Variants in JPH3 observed in about 807,000 individuals in gnomAD.
The protein encoded by JPH3 is junctophilin-3.
Under a neutral mutation model 59.6 loss-of-function variants are expected in JPH3, and 11 were observed. That is an observed-to-expected ratio of 0.18 (90% confidence interval 0.12 to 0.31). The LOEUF (loss-of-function observed/expected upper bound fraction) is 0.31, where lower values mean the gene tolerates loss of function less well. JPH3 is among the 10% of genes least tolerant of loss of function. JPH3 has a pLI of 1.00. For synonymous variants in JPH3, 673 were observed against 483.6 expected (o/e 1.39, Z -5.14); for missense variants, 1,202 against 1,105.7 (o/e 1.09, Z -1.24).
chr16:87,609,660 C>T (rs2030660423), intron 1 of JPH3, among the ~76,000 whole-genome samples: 1 of 152,200 alleles, frequency 6.6e-6, no homozygotes, highest in Non-Finnish European at 1.5e-5. Flanking sequence ...TGGAGCATAA[C>T]AGGGGTCATA....
chr16:87,665,590 C>G (rs963675263), intron 2 of JPH3, among the ~76,000 whole-genome samples: 4 of 152,226 alleles, frequency 2.6e-5, no homozygotes, highest in African/African-American at 9.6e-5. Context: ...GTGGCGCTCC[C>G]AGCCCCATGC....
intron 2 of JPH3, among the ~76,000 whole-genome samples, chr16:87,652,179 A>G (rs879917273): frequency 6.6e-6 from 1 of 151,958 alleles, no homozygotes; most frequent in Non-Finnish European, 1.5e-5. Flanking sequence ...GTTTCACCGT[A>G]TTAGCTAGGA....
Position 87,602,548 on chromosome 16 carries a change from A to G in JPH3, c.-599A>G, listed in dbSNP as rs1381683679. Among the ~76,000 whole-genome samples, 49 of 131,526 alleles carry G rather than the reference A, an allele frequency of 3.7e-4. No individual in the cohort carries two copies. The East Asian group carries it at 8.5e-3, about 23-fold the overall frequency. 86.3% of individuals were successfully genotyped at this position (131,526 alleles called of 152,430 possible). On this transcript the variant is annotated 5_prime_UTR_variant, in exon 1 of 5. Coordinates refer to ENST00000284262, the MANE Select transcript of JPH3 (RefSeq NM_020655.4). ...GCCCGGAGCGCACGCCGCCGCCGCC[A>G]CCGCCGCCGCCGCCGCCCGAGCCGC...
chr16:87,634,999 GCCTGCATGGAGCCATGGAAATGTTT>G (rs1467221556), intron 1 of JPH3, among the ~76,000 whole-genome samples: 1 of 152,188 alleles, frequency 6.6e-6, no homozygotes, highest in Non-Finnish European at 1.5e-5. Flanking sequence ...GGTGACCTCC[GCCTGCATGGAGCCATGGAAATGTTT>G]CCCCTTTTCC....
chr16:87,623,685 A>C (rs974792066), intron 1 of JPH3, among the ~76,000 whole-genome samples: 2 of 152,168 alleles, frequency 1.3e-5, no homozygotes, highest in African/African-American at 4.8e-5. Context: ...GTGGTGCCTG[A>C]AATCTGAGGC....
Position 87,697,583 on chromosome 16 carries a change from C to T in JPH3, c.*923C>T, listed in dbSNP as rs2033942364. On this transcript the variant is annotated 3_prime_UTR_variant, in exon 5 of 5. Coordinates refer to ENST00000284262, the MANE Select transcript of JPH3 (RefSeq NM_020655.4). Reference sequence around the variant, plus strand: ...GAGGGCCCTAGAGGACGCCTTCTCCCATGGTTACTGATCTCCACGGGTTTT... The same window carrying T: ...GAGGGCCCTAGAGGACGCCTTCTCCTATGGTTACTGATCTCCACGGGTTTT... 6.6e-6 allele frequency: 1 copy of T among 152,362 alleles called. No homozygotes were observed. Among genetic ancestry groups the T allele is most frequent in the Admixed American group, 6.5e-5 (1 of 15,286 alleles). The allele number at this position is 152,362 out of a possible 1,614,324, so 9.4% of individuals were successfully genotyped here.
At chr16:87,633,063 A>C (rs766809862) in intron 1 of JPH3, among the ~76,000 whole-genome samples, 3 of 152,102 alleles carry the variant, frequency 2.0e-5, no homozygotes, top group Non-Finnish European at 4.4e-5. Context: ...TATATAGTTA[A>C]TCACCTCGCT....
intron 2 of JPH3, among the ~76,000 whole-genome samples, chr16:87,665,728 C>T (rs540899849): frequency 6.6e-6 from 1 of 152,352 alleles, no homozygotes; most frequent in East Asian, 1.9e-4. Flanking sequence ...CCCTCTTCCT[C>T]CCGGCTGCCC....
intron 1 of JPH3, among the ~76,000 whole-genome samples, chr16:87,625,871 T>TACCCTCCCCTGATGACCTCCAC (rs1405507304): frequency 8.5e-4 from 130 of 152,122 alleles, no homozygotes; most frequent in Admixed American, 1.5e-3. Flanking sequence ...GTTCACCCCA[T>TACCCTCCCCTGATGACCTCCAC]ACCCTCCCCT....
At chr16:87,654,021 C>A (rs1027522404) in intron 2 of JPH3, 3 of 152,256 alleles carry the variant, frequency 2.0e-5, no homozygotes, top group Non-Finnish European at 2.9e-5. Context: ...GTGAGAGTCT[C>A]CAGGATGAAG....
intron 2 of JPH3, among the ~76,000 whole-genome samples, chr16:87,682,520 C>G (rs1233236231): frequency 1.3e-5 from 2 of 152,138 alleles, no homozygotes; most frequent in Non-Finnish European, 2.9e-5. Flanking sequence ...AGAGCACCCT[C>G]GCTTCTTCTA....
At chr16:87,689,280 C>A (rs1283388925) in intron 3 of JPH3, among the ~76,000 whole-genome samples, 1 of 152,150 alleles carries the variant, frequency 6.6e-6, no homozygotes, top group Non-Finnish European at 1.5e-5. Flanking sequence ...GGGTGAGGGG[C>A]TTCCTCTTAC....
chr16:87,685,870 C>T (rs769275546), intron 3 of JPH3, among the ~76,000 whole-genome samples: 57 of 152,292 alleles, frequency 3.7e-4, no homozygotes, highest in African/African-American at 1.1e-3. Flanking sequence ...CCCCAAGAGA[C>T]GCATCCACCG....
chr16:87,633,658 G>A (rs2031637413), intron 1 of JPH3, among the ~76,000 whole-genome samples: 12 of 152,002 alleles, frequency 7.9e-5, no homozygotes. Context: ...GATTAGCTGG[G>A]TGTGGTGGCG....
chr16:87,644,188 C>A, intron 1 of JPH3, 70 bp from the exon 2 acceptor site: 2 of 1,487,268 alleles, frequency 1.3e-6, no homozygotes, highest in Non-Finnish European at 1.8e-6. Flanking sequence ...CTGCTTCAAC[C>A]CTGTCCGTGG....
At chr16:87,659,249 C>T (rs923346107) in intron 2 of JPH3, among the ~76,000 whole-genome samples, 2 of 151,840 alleles carry the variant, frequency 1.3e-5, no homozygotes, top group African/African-American at 2.4e-5. Flanking sequence ...TGGTGGCAGG[C>T]ACCTGTAATC....
chr16:87,644,053 G>A (rs1382858783), intron 1 of JPH3, among the ~76,000 whole-genome samples: 4 of 152,164 alleles, frequency 2.6e-5, no homozygotes, highest in Non-Finnish European at 1.5e-5. Context: ...CAGGAGGATC[G>A]CCTGAGCCCA....
intron 1 of JPH3, among the ~76,000 whole-genome samples, chr16:87,636,565 C>T (rs942679384): frequency 3.9e-5 from 6 of 152,346 alleles, no homozygotes; most frequent in South Asian, 2.1e-4. Context: ...CTGTTCCCGG[C>T]GCTTTGGTGC....
intron 2 of JPH3, among the ~76,000 whole-genome samples, chr16:87,662,344 C>G (rs969021441): frequency 1.3e-5 from 2 of 152,104 alleles, no homozygotes; most frequent in African/African-American, 4.8e-5. Flanking sequence ...CTGTCAGCAG[C>G]ACATTCTGCA....
Sources: allele counts gnomAD v4.1 joint callset (sites outside exome capture counted in the v4.1 genomes callset), GRCh38; gene constraint gnomAD v4.1.1; transcripts MANE v1.5; gene names NCBI Gene and HGNC (gene_info 2026-07-23, HGNC 2026-07-21).